MOSMO: variants seen among roughly 807,000 people sequenced by gnomAD.
MOSMO encodes the protein modulator of smoothened protein.
In MOSMO, 5 loss-of-function variants were observed where a neutral mutation model predicts 18.4. The observed-to-expected ratio is 0.27, with a 90% confidence interval of 0.14 to 0.57. MOSMO has a LOEUF of 0.57. Ranked by LOEUF, MOSMO falls within the 20% of genes least tolerant of loss-of-function variation. The pLI is 0.92. For synonymous variants in MOSMO, 82 were observed against 82.3 expected, an observed-to-expected ratio of 1.00 and a Z score of 0.02; for missense variants, 138 against 211.8, an observed-to-expected ratio of 0.65 and a Z score of 2.16.
intron 1 of MOSMO, among the ~76,000 whole-genome samples, chr16:22,056,261 A>T: frequency 6.6e-6 from 1 of 151,700 alleles, no homozygotes; most frequent in Non-Finnish European, 1.5e-5. Context: ...ATTCTAGGAC[A>T]TCTGCCACTG....
Position 22,080,875 on chromosome 16 carries a change from G to A in MOSMO, c.499G>A (p.Gly167Ser). ...ATTTGCTGGCAAAGTTTGTTTACCA[G>A]GCTGATGAATGTCTAAATTGCTTGA... is the stretch of plus-strand genomic sequence containing the variant. ...LLFAGKVCLP[G>S] The change falls in exon 3 of 3, where the codon GGC (glycine) becomes AGC (serine). Residue 167 changes from glycine to serine, a missense_variant. Transcript: ENST00000542527. 4 of 1,366,268 alleles carry A rather than the reference G, an allele frequency of 2.9e-6. No homozygotes were observed. The highest frequency in any genetic ancestry group is 3.8e-6 in the Non-Finnish European group (4 of 1,053,720). The allele number at this position is 1,366,268 out of a possible 1,614,324, so 84.6% of individuals were successfully genotyped here.
At chr16:22,021,667 G>A (rs753498043) in intron 1 of MOSMO, among the ~76,000 whole-genome samples, 21 of 151,962 alleles carry the variant, frequency 1.4e-4, no homozygotes, top group African/African-American at 3.4e-4. Context: ...GCGTGATGGC[G>A]TGTTCCTGTA....
intron 1 of MOSMO, among the ~76,000 whole-genome samples, chr16:22,030,828 CT>C (rs1899979116): frequency 6.6e-6 from 1 of 152,164 alleles, no homozygotes; most frequent in Non-Finnish European, 1.5e-5. Flanking sequence ...TGCACCCAGT[CT>C]TTTTTTATTA....
intron 1 of MOSMO, among the ~76,000 whole-genome samples, chr16:22,024,311 T>G (rs1234858406): frequency 6.6e-6 from 1 of 152,032 alleles, no homozygotes; most frequent in Admixed American, 6.6e-5. Flanking sequence ...TTGGCCTAAA[T>G]AATATTTACA....
chr16:22,020,574 C>T (rs952069485), intron 1 of MOSMO, among the ~76,000 whole-genome samples: 2 of 152,048 alleles, frequency 1.3e-5, no homozygotes, highest in African/African-American at 2.4e-5. Flanking sequence ...GGATTACAGG[C>T]GTGAGCCACC....
At position 22,081,961 on chromosome 16, in the gene MOSMO, AT is replaced by A. The variant is rs1467189583; in HGVS notation, c.*1084del. On this transcript the variant is annotated 3_prime_UTR_variant, in exon 3 of 3. Coordinates refer to ENST00000542527, the MANE Select transcript of MOSMO (RefSeq NM_001164579.2). ...AGGTAAGATCATGTCAAACCTTATAATTTGGGGAATCTGACACTATTTAAAT... is the reference window on the plus strand; with the variant it reads ...AGGTAAGATCATGTCAAACCTTATAATTGGGGAATCTGACACTATTTAAAT... 1.7e-4 allele frequency: 26 copies of A among 152,174 alleles called. No homozygotes were observed. Among genetic ancestry groups the A allele is most frequent in the African/African-American group, 6.3e-4 (26 of 41,444 alleles). The allele number at this position is 152,174 out of a possible 1,614,324, so 9.4% of individuals were successfully genotyped here. A position where few individuals can be genotyped will look rare whatever the true frequency, so the allele number is the denominator to read the frequency against.
At chr16:22,064,372 C>T (rs1900709230) in intron 1 of MOSMO, 1 of 456,428 alleles carries the variant, frequency 2.2e-6, no homozygotes, top group Non-Finnish European at 4.4e-6. Context: ...TGTGTACAAA[C>T]CATGGAGGTT....
chr16:22,075,409 C>A, intron 1 of MOSMO, 78 bp from the exon 2 acceptor site: 1 of 984,602 alleles, frequency 1.0e-6, no homozygotes, highest in Non-Finnish European at 1.4e-6. Context: ...GATTTAAGAA[C>A]TAAAGGGGTG....
chr16:22,063,022 T>C (rs1332587908), intron 1 of MOSMO, among the ~76,000 whole-genome samples: 1 of 152,194 alleles, frequency 6.6e-6, no homozygotes, highest in African/African-American at 2.4e-5. Flanking sequence ...CCAGCTAATT[T>C]TTTTTATTTA....
rs779114434 is a variant in MOSMO at position 22,083,695 on chromosome 16, T to C, written c.*2815T>C. On this transcript the variant is annotated 3_prime_UTR_variant, in exon 3 of 3. Transcript: ENST00000542527. ...TTTTAGAGTGTGTGCATTCTTCTCA[T>C]ACCTAAGAATATCACTGTAAAATCT... is the stretch of plus-strand genomic sequence containing the variant. 1.3e-4 allele frequency: 57 copies of C among 453,206 alleles called. No individual in the cohort carries two copies. Among genetic ancestry groups the C allele is most frequent in the Non-Finnish European group, 2.3e-4 (53 of 226,142 alleles). 28.1% of individuals were successfully genotyped at this position (453,206 alleles called of 1,614,324 possible).
intron 1 of MOSMO, among the ~76,000 whole-genome samples, chr16:22,019,137 C>G (rs1227278330): frequency 6.6e-6 from 1 of 152,136 alleles, no homozygotes; most frequent in African/African-American, 2.4e-5. Context: ...ATTGCATGTG[C>G]TTGTACCAGA....
In MOSMO at chr16:22,081,325, G is replaced by A. The variant is rs1490342392; in HGVS notation, c.*445G>A. The A allele has an allele frequency of 6.6e-6, 1 of 151,998 alleles. No homozygotes were observed. Among genetic ancestry groups the A allele is most frequent in the East Asian group, 1.9e-4 (1 of 5,216 alleles). 9.4% of individuals were successfully genotyped at this position (151,998 alleles called of 1,614,324 possible). ...GAGGGATGCAAGAGAAGTTCATGTG[G>A]GGCTGGCCTCACCTCCTAAGAAATT... On this transcript the variant is annotated 3_prime_UTR_variant, in exon 3 of 3. Coordinates refer to ENST00000542527, the MANE Select transcript of MOSMO (RefSeq NM_001164579.2).
At chr16:22,022,104 C>G (rs1342989818) in intron 1 of MOSMO, among the ~76,000 whole-genome samples, 1 of 152,014 alleles carries the variant, frequency 6.6e-6, no homozygotes, top group East Asian at 1.9e-4. Context: ...GATTGTTTGC[C>G]CACTATACAG....
At chr16:22,022,835 C>T (rs1899793161) in intron 1 of MOSMO, among the ~76,000 whole-genome samples, 1 of 152,104 alleles carries the variant, frequency 6.6e-6, no homozygotes. Flanking sequence ...TCACCAGAAC[C>T]GGACCTTGCT....
chr16:22,060,554 T>C (rs1900622105), intron 1 of MOSMO, among the ~76,000 whole-genome samples: 2 of 152,106 alleles, frequency 1.3e-5, no homozygotes, highest in Admixed American at 1.3e-4. Flanking sequence ...AACTAGATTT[T>C]TAGATATTGC....
intron 1 of MOSMO, among the ~76,000 whole-genome samples, chr16:22,017,195 T>C (rs1899658198): frequency 6.6e-6 from 1 of 152,192 alleles, no homozygotes; most frequent in Non-Finnish European, 1.5e-5. Flanking sequence ...GAAGTGTTCC[T>C]GTTTATGAAA....
chr16:22,070,487 G>C (rs1171746405), intron 1 of MOSMO, among the ~76,000 whole-genome samples: 5 of 152,162 alleles, frequency 3.3e-5, no homozygotes, highest in African/African-American at 1.2e-4. Context: ...GAGAGACTGG[G>C]AGAAACTGTA....
chr16:22,013,881 G>T (rs550582643), intron 1 of MOSMO, among the ~76,000 whole-genome samples: 8 of 143,854 alleles, frequency 5.6e-5, no homozygotes, highest in South Asian at 2.2e-4. Flanking sequence ...GTTACTGTTT[G>T]GGGGGGGGGA....
chr16:22,090,237 G>T (rs1348402592), downstream of MOSMO: 2 of 152,234 alleles, frequency 1.3e-5, no homozygotes, highest in Non-Finnish European at 2.9e-5. Context: ...AGCCATCCTA[G>T]AAGAAAGGAA....
Sources: gnomAD v4.1 joint callset for allele counts (sites outside exome capture counted in the v4.1 genomes callset) on GRCh38, gnomAD v4.1.1 for gene constraint, MANE v1.5 for transcripts, NCBI Gene and HGNC (gene_info 2026-07-23, HGNC 2026-07-21) for gene names.